The following CEP89 variants were observed in gnomAD, a reference collection of about 807,000 sequenced individuals.
CEP89 encodes the protein centrosomal protein 89.
A neutral mutation model predicts 97.6 loss-of-function variants in CEP89; 95 were observed. The observed-to-expected ratio is 0.97, with a 90% CI of 0.82 to 1.15. CEP89 has a LOEUF of 1.15. CEP89 is among the 50% of genes most tolerant of loss of function. The pLI, the probability that CEP89 is intolerant of heterozygous loss-of-function variation, is 0.00. For synonymous variants in CEP89, 354 were observed against 349.1 expected (o/e 1.01, Z -0.16); for missense variants, 869 against 947.7 (o/e 0.92, Z 1.09).
chr19:32,964,074 G>C (rs942225904), intron 2 of CEP89, among the ~76,000 whole-genome samples: 1 of 152,066 alleles, frequency 6.6e-6, no homozygotes, highest in African/African-American at 2.4e-5. Context: ...TTGGAAAATA[G>C]TTTGACAGTT....
rs773115033 is a variant in CEP89, at chr19:32,925,632, G to C, written c.1164+558C>G. Among the ~76,000 whole-genome samples the C allele has an allele frequency of 5.1e-4, 77 of 152,010 alleles. 1 individual carries two copies. Among genetic ancestry groups the C allele is most frequent in the Non-Finnish European group, 9.9e-4 (67 of 68,002 alleles). On this transcript the variant is annotated intron_variant, in intron 11 of 18. Coordinates refer to ENST00000305768, the MANE Select transcript of CEP89 (RefSeq NM_032816.5). ...GCCTCCTGAGTAGCTGGAATTACAGGTACGTGCCACCACACCAGCTAATTT... is the reference window on the plus strand; with the variant it reads ...GCCTCCTGAGTAGCTGGAATTACAGCTACGTGCCACCACACCAGCTAATTT...
At chr19:32,914,826 A>G (rs879501619) in intron 14 of CEP89, among the ~76,000 whole-genome samples, 3 of 152,122 alleles carry the variant, frequency 2.0e-5, no homozygotes, top group Admixed American at 6.6e-5. Context: ...GTTTGAGACC[A>G]GCCTGGTCAA....
At chr19:32,967,619 C>A (rs918804300) in intron 1 of CEP89, among the ~76,000 whole-genome samples, 2 of 152,148 alleles carry the variant, frequency 1.3e-5, no homozygotes, top group East Asian at 3.9e-4. Context: ...AAGATTCCTC[C>A]AGGTCTGGGG....
At chr19:32,946,400 G>A (rs1255943376) in intron 5 of CEP89, among the ~76,000 whole-genome samples, 2 of 152,182 alleles carry the variant, frequency 1.3e-5, no homozygotes, top group Non-Finnish European at 2.9e-5. Context: ...GTTACACAAG[G>A]CAGGAGAGAA....
At chr19:32,969,647 C>T (rs1249957913) in intron 1 of CEP89, 1 of 152,382 alleles carries the variant, frequency 6.6e-6, no homozygotes, top group Non-Finnish European at 1.5e-5. Flanking sequence ...TGCCCTCGTC[C>T]TGTGCCTGGG....
At chr19:32,881,034 G>A (rs962251279) in intron 18 of CEP89, among the ~76,000 whole-genome samples, 1 of 152,214 alleles carries the variant, frequency 6.6e-6, no homozygotes, top group Non-Finnish European at 1.5e-5. Flanking sequence ...TGAAAGGCCA[G>A]GCATCACCTG....
intron 14 of CEP89, among the ~76,000 whole-genome samples, chr19:32,901,748 C>T (rs1969776606): frequency 1.3e-5 from 2 of 152,180 alleles, no homozygotes; most frequent in Non-Finnish European, 2.9e-5. Flanking sequence ...CTACCTCAGC[C>T]TCCCAAGTTG....
chr19:32,918,168 G>A, intron 13 of CEP89, 56 bp downstream of exon 13: 1 of 1,380,546 alleles, frequency 7.2e-7, no homozygotes, highest in Non-Finnish European at 1.0e-6. Context: ...AGATAGAAGG[G>A]TAAAATGACA....
intron 12 of CEP89, 31 bp from the exon 13 acceptor site, chr19:32,918,370 G>T: frequency 6.7e-7 from 1 of 1,497,534 alleles, no homozygotes; most frequent in Non-Finnish European, 9.3e-7. Flanking sequence ...GAAATACTGT[G>T]ATTCAGGTGC....
chr19:32,952,721 TG>T lies in CEP89; in HGVS notation c.492+893del, dbSNP rs537037808. ...GAGTTCAAGACCAGCCTAGGCAACA[TG>T]GAGAAACCCTGTCTCTACAAAAAGC... On this transcript the variant is annotated intron_variant, in intron 4 of 18. Coordinates refer to ENST00000305768, the MANE Select transcript of CEP89 (RefSeq NM_032816.5). Among the ~76,000 whole-genome samples the T allele has an allele frequency of 3.3e-5, 5 of 151,348 alleles. No homozygotes were observed. In the East Asian group the frequency reaches 9.8e-4, roughly 30 times the overall value.
chr19:32,880,076 G>C (rs1049623054), intron 18 of CEP89, among the ~76,000 whole-genome samples: 1 of 152,254 alleles, frequency 6.6e-6, no homozygotes, highest in Non-Finnish European at 1.5e-5. Flanking sequence ...GTGCCCTGTG[G>C]TGTGCTGGGG....
rs56965428 is a variant in CEP89, at chr19:32,898,881, T to TAAAAA, written c.1875+971_1875+975dup. ...TGGGTGACAGCGTGAGACTCCATCT[T>TAAAAA]AAAAAAAAAAAAAAAAAAAAGATAA... On this transcript the variant is annotated intron_variant, in intron 16 of 18. Coordinates refer to ENST00000305768, the MANE Select transcript of CEP89 (RefSeq NM_032816.5). 2.4e-5 allele frequency among the ~76,000 whole-genome samples: 3 copies of TAAAAA among 127,514 alleles called. 1 individual carries two copies. The highest frequency in any genetic ancestry group is 3.3e-5 in the Non-Finnish European group (2 of 61,426). 83.7% of individuals were successfully genotyped at this position (127,514 alleles called of 152,430 possible).
intron 16 of CEP89, among the ~76,000 whole-genome samples, chr19:32,894,616 C>A (rs1412873692): frequency 2.0e-5 from 3 of 152,154 alleles, no homozygotes; most frequent in African/African-American, 7.2e-5. Flanking sequence ...AAAACACACC[C>A]TAGGTGGAGG....
chr19:32,888,259 G>A lies in CEP89; in HGVS notation c.1876-418C>T, dbSNP rs933996533. Among the ~76,000 whole-genome samples, 4 of 152,128 alleles carry A rather than the reference G, an allele frequency of 2.6e-5. No individual in the cohort carries two copies. The South Asian group carries it at 6.2e-4, about 24-fold the overall frequency. On this transcript the variant is annotated intron_variant, in intron 16 of 18. Coordinates refer to ENST00000305768, the MANE Select transcript of CEP89 (RefSeq NM_032816.5). Reference sequence around the variant, plus strand: ...TAACATAATATGAATGCACAATGCCGTTTCTCCAAGCCATACATGAAAGGC... The same window carrying A: ...TAACATAATATGAATGCACAATGCCATTTCTCCAAGCCATACATGAAAGGC...
In CEP89 at chr19:32,877,031, C is replaced by T. The variant is rs950794824; in HGVS notation, c.*2131G>A. On this transcript the variant is annotated 3_prime_UTR_variant, in exon 19 of 19. Coordinates refer to ENST00000305768, the MANE Select transcript of CEP89 (RefSeq NM_032816.5). ...CCGCGCAGCCACGCTGGGCTGCCGC[C>T]GCCTGTCAGCCTGTCTACAGGAGGC... The T allele has an allele frequency of 2.6e-5, 4 of 152,332 alleles. No individual in the cohort carries two copies. The highest frequency in any genetic ancestry group is 9.6e-5 in the African/African-American group (4 of 41,566). The allele number at this position is 152,332 out of a possible 1,614,324, so 9.4% of individuals were successfully genotyped here.
chr19:32,966,315 GCTGAGCACAGGGGTGACCTCAGTGC>G lies in CEP89; in HGVS notation c.146+20_146+44del. ...CAGTTCCAGGATCCAGTACTTGGAG[GCTGAGCACAGGGGTGACCTCAGTGC>G]CTGCTCATCTGATACTCACCTTGGT... On this transcript the variant is annotated intron_variant, in intron 2 of 18. Transcript: ENST00000305768. 9.0e-7 allele frequency: 1 copy of G among 1,112,094 alleles called. No homozygotes were observed. Among genetic ancestry groups the G allele is most frequent in the East Asian group, 2.8e-5 (1 of 35,910 alleles). 68.9% of individuals were successfully genotyped at this position (1,112,094 alleles called of 1,614,324 possible).
intron 14 of CEP89, among the ~76,000 whole-genome samples, chr19:32,914,101 G>C (rs1326314708): frequency 6.6e-6 from 1 of 152,100 alleles, no homozygotes; most frequent in Non-Finnish European, 1.5e-5. Context: ...CCAGGAGTTT[G>C]AGACCAGACC....
chr19:32,890,992 C>G (rs1467344340), intron 16 of CEP89, among the ~76,000 whole-genome samples: 1 of 152,192 alleles, frequency 6.6e-6, no homozygotes, highest in African/African-American at 2.4e-5. Context: ...CGGCGAGGCA[C>G]CAGGTGGACC....
intron 9 of CEP89, among the ~76,000 whole-genome samples, chr19:32,928,609 A>C (rs947271587): frequency 6.6e-6 from 1 of 152,158 alleles, no homozygotes; most frequent in Non-Finnish European, 1.5e-5. Flanking sequence ...TCTGGGAACC[A>C]TGCAGCTCAC....
Sources: allele counts gnomAD v4.1 joint callset (sites outside exome capture counted in the v4.1 genomes callset), GRCh38; gene constraint gnomAD v4.1.1; transcripts MANE v1.5; gene names NCBI Gene and HGNC (gene_info 2026-07-23, HGNC 2026-07-21).